ITPK1: variants seen among roughly 807,000 people sequenced by gnomAD.
ITPK1 encodes inositol 1,3,4-trisphosphate 5/6-kinase.
ITPK1 carries 21 observed loss-of-function variants against 45.3 expected under a neutral mutation model. The observed-to-expected ratio is 0.46, with a 90% CI of 0.33 to 0.67. The LOEUF (loss-of-function observed/expected upper bound fraction) is 0.67, where lower values mean the gene tolerates loss of function less well. Ranked by LOEUF, ITPK1 falls within the 30% of genes least tolerant of loss-of-function variation. ITPK1 has a pLI of 0.02. For synonymous variants in ITPK1, 258 were observed against 253.6 expected (o/e 1.02, Z -0.16); for missense variants, 474 against 573.5 (o/e 0.83, Z 1.77).
Position 92,958,355 on chromosome 14 carries a change from C to A in ITPK1, c.516G>T (p.Val172=). Residue 172 remains valine, a synonymous_variant, in exon 8 of 11, where the codon GTG becomes GTT. Coordinates refer to ENST00000267615, the MANE Select transcript of ITPK1 (RefSeq NM_014216.6). This position sits in a 1 kb window ranked among gnomAD's most constrained non-coding sequence, Gnocchi z 4.4. ...TGGCGTTCAGGCCCTCCTGGTTGAA[C>A]ACGATAGCCATCTGGGAAGACAAGG... ...HGTNSHEMAI[V]FNQEGLNAIQ... The A allele has an allele frequency of 1.2e-6, 2 of 1,614,126 alleles. No homozygotes were observed. The highest frequency in any genetic ancestry group is 1.7e-6 in the Non-Finnish European group (2 of 1,180,028).
chr14:93,057,917 G>C (rs1478240421), intron 3 of ITPK1, among the ~76,000 whole-genome samples: 1 of 152,178 alleles, frequency 6.6e-6, no homozygotes, highest in Admixed American at 6.5e-5. Flanking sequence ...CTCTCAAGGG[G>C]CTACCTACTG....
rs117355620 is a variant in ITPK1 at position 92,947,792 on chromosome 14, G to C, written c.739-1299C>G. 2.6e-4 allele frequency among the ~76,000 whole-genome samples: 39 copies of C among 152,280 alleles called. 1 individual carries two copies. The East Asian group carries it at 6.8e-3, about 26-fold the overall frequency. On this transcript the variant is annotated intron_variant, in intron 9 of 10. Transcript: ENST00000267615. Reference sequence around the variant, plus strand: ...AAGGGGAAGGGAGTGGCTGATCCATGAAAGACAAAAGTGAAGCTGGGTTCA... The same window carrying C: ...AAGGGGAAGGGAGTGGCTGATCCATCAAAGACAAAAGTGAAGCTGGGTTCA...
At chr14:93,050,564 C>T (rs746312950) in intron 3 of ITPK1, among the ~76,000 whole-genome samples, 11 of 152,198 alleles carry the variant, frequency 7.2e-5, no homozygotes, top group South Asian at 6.2e-4. Flanking sequence ...TTGAAGGCAT[C>T]GATGCACACT....
Position 93,049,377 on chromosome 14 carries a change from A to C in ITPK1, c.120+27218T>G, listed in dbSNP as rs1471646148. Among the ~76,000 whole-genome samples the C allele has an allele frequency of 4.6e-5, 7 of 152,088 alleles. 1 individual carries two copies. The highest frequency in any genetic ancestry group is 1.5e-5 in the Non-Finnish European group (1 of 68,006). The stretch of plus-strand genomic sequence containing the variant: ...TGAGGGGACAGAGGGGAAGCCAGGA[A>C]TGCTTCTGCCAGCAAGTGACATCTG... On this transcript the variant is annotated intron_variant, in intron 3 of 10. Coordinates refer to ENST00000267615, the MANE Select transcript of ITPK1 (RefSeq NM_014216.6).
chr14:92,973,980 C>T (rs1885798656), intron 5 of ITPK1, among the ~76,000 whole-genome samples: 1 of 152,244 alleles, frequency 6.6e-6, no homozygotes, highest in Non-Finnish European at 1.5e-5. Flanking sequence ...CAGGGCCCCT[C>T]CATGCCCCTC....
chr14:93,085,902 G>C (rs1326846764), intron 2 of ITPK1, among the ~76,000 whole-genome samples: 1 of 152,080 alleles, frequency 6.6e-6, no homozygotes, highest in Non-Finnish European at 1.5e-5. Context: ...GTGGGAAGCA[G>C]GGGAGTTGGC....
intron 2 of ITPK1, among the ~76,000 whole-genome samples, chr14:93,099,386 C>T (rs372292302): frequency 2.6e-5 from 4 of 152,148 alleles, no homozygotes; most frequent in Admixed American, 6.5e-5. Context: ...TTACATAACA[C>T]GAGATTGTTT....
At chr14:92,985,278 G>A (rs1469900475) in intron 5 of ITPK1, among the ~76,000 whole-genome samples, 1 of 151,954 alleles carries the variant, frequency 6.6e-6, no homozygotes, top group Non-Finnish European at 1.5e-5. Flanking sequence ...GGTATTAGTG[G>A]GACAACTGGG....
chr14:93,040,329 A>C (rs188329466), intron 3 of ITPK1, among the ~76,000 whole-genome samples: 173 of 152,298 alleles, frequency 1.1e-3, no homozygotes, highest in African/African-American at 4.0e-3. Context: ...CCTCGGCCCA[A>C]TGTCCTTCAC....
rs1198433820 is a variant in ITPK1 at position 93,063,898 on chromosome 14, C to T, written c.120+12697G>A. ...ATAGAAGCCCAGCCCAGACGCCAAACGCACTTTGGAATTTTTACATGCGCA... is the reference window on the plus strand; with the variant it reads ...ATAGAAGCCCAGCCCAGACGCCAAATGCACTTTGGAATTTTTACATGCGCA... On this transcript the variant is annotated intron_variant, in intron 3 of 10. Coordinates refer to ENST00000267615, the MANE Select transcript of ITPK1 (RefSeq NM_014216.6). This position sits in a 1 kb window ranked among gnomAD's most constrained non-coding sequence, Gnocchi z 4.3. 2.6e-5 allele frequency among the ~76,000 whole-genome samples: 4 copies of T among 152,280 alleles called. No individual in the cohort carries two copies. The highest frequency in any genetic ancestry group is 4.4e-5 in the Non-Finnish European group (3 of 68,030).
chr14:93,037,258 G>A (rs1485637533), intron 3 of ITPK1, among the ~76,000 whole-genome samples: 2 of 152,238 alleles, frequency 1.3e-5, no homozygotes, highest in African/African-American at 2.4e-5. Context: ...GAAAAGAGGA[G>A]ACCAGCATTT....
intron 10 of ITPK1, among the ~76,000 whole-genome samples, chr14:92,944,568 TCTCCTGTCTCCTCC>T (rs1156240945): frequency 5.3e-5 from 8 of 152,054 alleles, no homozygotes; most frequent in African/African-American, 1.7e-4. Context: ...CTTCCCACCC[TCTCCTGTCTCCTCC>T]CTCCTTCCAG....
intron 3 of ITPK1, among the ~76,000 whole-genome samples, chr14:93,019,407 C>A (rs1888355556): frequency 6.6e-6 from 1 of 152,254 alleles, no homozygotes; most frequent in South Asian, 2.1e-4. Context: ...AAGCTCTCCG[C>A]ATCCCCGGCG....
At chr14:93,008,556 A>G (rs1887734106) in intron 4 of ITPK1, among the ~76,000 whole-genome samples, 3 of 152,208 alleles carry the variant, frequency 2.0e-5, no homozygotes. Flanking sequence ...AGGGACCTAT[A>G]GGGAGGGGCT....
intron 5 of ITPK1, among the ~76,000 whole-genome samples, chr14:92,986,592 G>A (rs183905814): frequency 1.3e-5 from 2 of 152,338 alleles, no homozygotes; most frequent in East Asian, 3.9e-4. Context: ...AAGCTCTGCA[G>A]GAAGGCCTGG....
At position 92,939,729 on chromosome 14, in the gene ITPK1, C is replaced by A. The variant is rs974408367; in HGVS notation, c.*1832G>T. 2.9e-5 allele frequency: 29 copies of A among 985,526 alleles called. No individual in the cohort carries two copies. The highest frequency in any genetic ancestry group is 1.9e-4 in the South Asian group (4 of 21,282). 61.0% of individuals were successfully genotyped at this position (985,526 alleles called of 1,614,324 possible). ...ACACAGCCAGGAGTCACGCTGCACACCCCCACCCGTACCTGAGGCAGACTG... is the reference window on the plus strand; with the variant it reads ...ACACAGCCAGGAGTCACGCTGCACAACCCCACCCGTACCTGAGGCAGACTG... On this transcript the variant is annotated 3_prime_UTR_variant, in exon 11 of 11. Coordinates refer to ENST00000267615, the MANE Select transcript of ITPK1 (RefSeq NM_014216.6).
chr14:93,092,376 C>T, intron 2 of ITPK1, among the ~76,000 whole-genome samples: 1 of 152,182 alleles, frequency 6.6e-6, no homozygotes, highest in East Asian at 1.9e-4. Flanking sequence ...GAGCAGGAAG[C>T]CAGGCGCTCT....
chr14:93,024,149 G>A (rs996408109), intron 3 of ITPK1, among the ~76,000 whole-genome samples: 12 of 152,204 alleles, frequency 7.9e-5, no homozygotes, highest in African/African-American at 2.7e-4. Context: ...TGTGTGTTGC[G>A]GGGAGAGCGG....
At chr14:92,962,265 G>A (rs1595090401) in intron 7 of ITPK1, 90 bp downstream of exon 7, 2 of 933,714 alleles carry the variant, frequency 2.1e-6, no homozygotes, top group Admixed American at 3.4e-5. Flanking sequence ...CAGGAGCAGT[G>A]GCAGTGAGGA....
Sources: allele counts gnomAD v4.1 joint callset (sites outside exome capture counted in the v4.1 genomes callset), GRCh38; gene constraint gnomAD v4.1.1; non-coding constraint Gnocchi (gnomAD v3.1); transcripts MANE v1.5; gene names NCBI Gene and HGNC (gene_info 2026-07-23, HGNC 2026-07-21).